The following LHX4 variants were observed in gnomAD, a reference collection of about 807,000 sequenced individuals.
The protein encoded by LHX4 is LIM/homeobox protein Lhx4.
LHX4 carries 16 observed loss-of-function variants against 39.2 expected under a neutral mutation model. That is an observed-to-expected ratio of 0.41 (90% CI 0.28 to 0.62). The LOEUF (loss-of-function observed/expected upper bound fraction) is 0.62, where lower values mean the gene tolerates loss of function less well. LHX4 is among the 20% of genes least tolerant of loss of function. LHX4 has a pLI of 0.33. For synonymous variants in LHX4, 206 were observed against 198.1 expected (o/e 1.04, Z -0.33); for missense variants, 439 against 511.9 (o/e 0.86, Z 1.37).
chr1:180,230,637 T>C lies in LHX4; in HGVS notation c.76+32T>C, dbSNP rs1254754060. On this transcript the variant is annotated intron_variant, in intron 1 of 5. Coordinates refer to ENST00000263726, the MANE Select transcript of LHX4 (RefSeq NM_033343.4). The surrounding 1 kb of genome is among the most constrained non-coding windows in gnomAD (Gnocchi z 5.8). ...CACCCCCCTTTCTCGCTGATTTAATTCTAACAAGACAGCTAGCAGCCTCAG... is the reference window on the plus strand; with the variant it reads ...CACCCCCCTTTCTCGCTGATTTAATCCTAACAAGACAGCTAGCAGCCTCAG... 3.8e-6 allele frequency: 6 copies of C among 1,590,166 alleles called. No individual in the cohort carries two copies. The East Asian group carries it at 1.3e-4, about 36-fold the overall frequency.
At chr1:180,253,683 A>G (rs921433910) in intron 2 of LHX4, among the ~76,000 whole-genome samples, 1 of 152,206 alleles carries the variant, frequency 6.6e-6, no homozygotes, top group African/African-American at 2.4e-5. Flanking sequence ...AGCTAGGAAG[A>G]AGACGTGTGT....
chr1:180,245,824 A>G (rs1388713685), intron 1 of LHX4, among the ~76,000 whole-genome samples: 1 of 152,126 alleles, frequency 6.6e-6, no homozygotes, highest in Non-Finnish European at 1.5e-5. Context: ...CAGAGCCAGG[A>G]TCCAAACCCA....
intron 1 of LHX4, among the ~76,000 whole-genome samples, chr1:180,238,413 A>G (rs961662317): frequency 1.3e-5 from 2 of 152,262 alleles, no homozygotes; most frequent in Non-Finnish European, 2.9e-5. Flanking sequence ...ACAAACTAGA[A>G]AAAACTAGAA....
intron 4 of LHX4, 127 bp from the exon 5 acceptor site, chr1:180,271,708 A>C: frequency 7.8e-7 from 1 of 1,284,754 alleles, no homozygotes; most frequent in Non-Finnish European, 1.1e-6. Context: ...GGTGGGGCGC[A>C]TCGCACTCCC....
intron 2 of LHX4, among the ~76,000 whole-genome samples, chr1:180,263,590 C>G (rs975439677): frequency 2.0e-5 from 3 of 152,226 alleles, no homozygotes; most frequent in Non-Finnish European, 2.9e-5. Context: ...AGTATAAATC[C>G]CACAATCAGG....
Position 180,266,400 on chromosome 1 carries a change from G to A in LHX4, c.257G>A (p.Gly86Asp). 6.2e-7 allele frequency: 1 copy of A among 1,614,042 alleles called. No homozygotes were observed. Among genetic ancestry groups the A allele is most frequent in the African/African-American group, 1.3e-5 (1 of 75,016 alleles). Residue 86 changes from glycine (G) to aspartate (D), a missense_variant, in exon 3 of 6, where the codon GGC becomes GAC. By Grantham distance (94) the Gly-to-Asp change is moderately conservative (BLOSUM62 -1). Transcript: ENST00000263726. This position sits in a 1 kb window ranked among gnomAD's most constrained non-coding sequence, Gnocchi z 5.7. Reference protein sequence around the residue: ...YCKEDFFKRFGTKCTACQQGI... With the variant: ...YCKEDFFKRFDTKCTACQQGI... ...TCCTGCTGCCCTGACAGGCGCTTCG[G>A]CACAAAATGCACGGCCTGCCAGCAG...
rs1647463965 is a variant in LHX4 at position 180,248,268 on chromosome 1, TCTC to T, written c.77-13_77-11del. The T allele has an allele frequency of 6.2e-7, 1 of 1,613,252 alleles. No individual in the cohort carries two copies. Among genetic ancestry groups the T allele is most frequent in the South Asian group, 1.1e-5 (1 of 90,864 alleles). ...GTGTGGAAGGCTCACAGTGCCTCTC[TCTC>T]CTCTTCCTCACAGAGATTCCCCAGT... On this transcript the variant is annotated splice_polypyrimidine_tract_variant and intron_variant, in intron 1 of 5. Transcript: ENST00000263726.
At chr1:180,241,994 T>C (rs1273664899) in intron 1 of LHX4, among the ~76,000 whole-genome samples, 1 of 152,056 alleles carries the variant, frequency 6.6e-6, no homozygotes, top group African/African-American at 2.4e-5. Flanking sequence ...TTTTTTTTTT[T>C]TCTGTAGAGA....
At chr1:180,258,228 C>T (rs758581003) in intron 2 of LHX4, among the ~76,000 whole-genome samples, 1 of 152,140 alleles carries the variant, frequency 6.6e-6, no homozygotes, top group East Asian at 1.9e-4. Flanking sequence ...GGGAGGGGTC[C>T]AGGGGTGTCC....
intron 2 of LHX4, among the ~76,000 whole-genome samples, chr1:180,265,323 T>C (rs3911332): frequency 0.18 from 27,160 of 152,166 alleles, 2,619 homozygotes; most frequent in African/African-American, 0.23. Context: ...TGCCCTTGCT[T>C]TCCCAATGCC....
At chr1:180,269,145 G>T (rs114622734) in intron 3 of LHX4, among the ~76,000 whole-genome samples, 69,761 of 151,728 alleles carry the variant, frequency 0.46, 18,559 homozygotes, top group African/African-American at 0.72. Context: ...GTGTGTGGGG[G>T]GGGGGGTGGT....
chr1:180,243,672 T>C (rs1027824051), intron 1 of LHX4, among the ~76,000 whole-genome samples: 3 of 151,722 alleles, frequency 2.0e-5, no homozygotes, highest in Non-Finnish European at 4.4e-5. Context: ...GGGGAGGAGA[T>C]TGTGGACAGA....
At chr1:180,265,876 T>G (rs1365860571) in intron 2 of LHX4, among the ~76,000 whole-genome samples, 1 of 152,190 alleles carries the variant, frequency 6.6e-6, no homozygotes. Context: ...GCTGACAAAG[T>G]GCATTTTCTC....
At position 180,271,387 on chromosome 1, in the gene LHX4, A is replaced by G; in HGVS notation, c.459A>G (p.Ser153=). Residue 153 remains serine (S), a synonymous_variant, in exon 4 of 6, where the codon TCA becomes TCG. Transcript: ENST00000263726. ...AGTGGTTTTTCCTTGCAGATGACTC[A>G]GAGGCTGGAGCTAAGCGGCCCCGGA... is the stretch of plus-strand genomic sequence containing the variant. ...DYETAKQNDD[S]EAGAKRPRTT... is the part of the protein sequence containing the mutation. The G allele has an allele frequency of 6.2e-7, 1 of 1,614,218 alleles. No homozygotes were observed. Among genetic ancestry groups the G allele is most frequent in the Non-Finnish European group, 8.5e-7 (1 of 1,180,036 alleles).
At chr1:180,270,688 A>G in intron 3 of LHX4, 1 of 153,834 alleles carries the variant, frequency 6.5e-6, no homozygotes, top group Non-Finnish European at 1.4e-5. Context: ...AACTCATTTT[A>G]CATTTCATCT....
In LHX4 at chr1:180,274,757, G is replaced by A; in HGVS notation, c.*178G>A. On this transcript the variant is annotated 3_prime_UTR_variant, in exon 6 of 6. Transcript: ENST00000263726. ...GACCACACTAGGGCATTGTTTCCCT[G>A]GGGAAGCAGTGGGAGAGCAGACTCA... The A allele has an allele frequency of 1.4e-6, 1 of 715,238 alleles. No individual in the cohort carries two copies. Among genetic ancestry groups the A allele is most frequent in the Non-Finnish European group, 2.2e-6 (1 of 446,858 alleles). 44.3% of individuals were successfully genotyped at this position (715,238 alleles called of 1,614,324 possible).
chr1:180,240,103 A>C (rs1330899480), intron 1 of LHX4, among the ~76,000 whole-genome samples: 1 of 152,248 alleles, frequency 6.6e-6, no homozygotes, highest in Non-Finnish European at 1.5e-5. Flanking sequence ...AAAAAGCAAA[A>C]GCCTCACAGG....
rs1648944343 is a variant in LHX4, at chr1:180,275,028, A to G, written c.*449A>G. 6.3e-6 allele frequency: 1 copy of G among 157,994 alleles called. No individual in the cohort carries two copies. Among genetic ancestry groups the G allele is most frequent in the Non-Finnish European group, 1.4e-5 (1 of 72,136 alleles). 9.8% of individuals were successfully genotyped at this position (157,994 alleles called of 1,614,324 possible). ...GGTAGAGGCCTCACAGCCCTTGAGT[A>G]AAATAAAAGTGATTTCTGGACCATC... is the stretch of plus-strand genomic sequence containing the variant. On this transcript the variant is annotated 3_prime_UTR_variant, in exon 6 of 6. Coordinates refer to ENST00000263726, the MANE Select transcript of LHX4 (RefSeq NM_033343.4).
At chr1:180,230,248 G>GTC, upstream of LHX4, 1 of 438,308 alleles carries the variant, frequency 2.3e-6, no homozygotes, top group Non-Finnish European at 4.1e-6. This position sits in a 1 kb window ranked among gnomAD's most constrained non-coding sequence, Gnocchi z 5.8. Context: ...GCGGGGGAGG[G>GTC]AAGAGGAAAA....
Sources: gnomAD v4.1 joint callset for allele counts (sites outside exome capture counted in the v4.1 genomes callset) on GRCh38, gnomAD v4.1.1 for gene constraint, Gnocchi (gnomAD v3.1) non-coding constraint, MANE v1.5 for transcripts, NCBI Gene and HGNC (gene_info 2026-07-23, HGNC 2026-07-21) for gene names.